Variants in EPB41L4B observed in about 807,000 individuals in gnomAD.
The protein encoded by EPB41L4B is band 4.1-like protein 4B.
EPB41L4B carries 30 observed loss-of-function variants against 112.5 expected under a neutral mutation model. The ratio of observed to expected loss-of-function variants is 0.27; its 90% CI spans 0.20 to 0.36. The LOEUF is 0.36. Among genes scored for constraint, EPB41L4B ranks in the 10% least tolerant of loss-of-function variants. The pLI, the probability that EPB41L4B is intolerant of heterozygous loss-of-function variation, is 1.00. For synonymous variants in EPB41L4B, 408 were observed against 439.7 expected, an observed-to-expected ratio of 0.93 and a Z score of 0.90; for missense variants, 1,024 against 1,133.3, an observed-to-expected ratio of 0.90 and a Z score of 1.38.
chr9:109,187,148 G>A (rs577520444), intron 22 of EPB41L4B, among the ~76,000 whole-genome samples: 6 of 152,264 alleles, frequency 3.9e-5, no homozygotes, highest in South Asian at 2.1e-4. Context: ...AAATATACAC[G>A]TCTTTTATCT....
chr9:109,186,969 C>T (rs375185532), intron 22 of EPB41L4B, among the ~76,000 whole-genome samples: 37 of 152,142 alleles, frequency 2.4e-4, no homozygotes, highest in South Asian at 6.2e-4. Flanking sequence ...CTTTGGGATA[C>T]GCAGGGTTCT....
At chr9:109,210,347 T>G (rs1357598221) in intron 17 of EPB41L4B, among the ~76,000 whole-genome samples, 1 of 152,198 alleles carries the variant, frequency 6.6e-6, no homozygotes, top group Non-Finnish European at 1.5e-5. Flanking sequence ...CACTGGTGCA[T>G]GAAGAGATAG....
intron 1 of EPB41L4B, among the ~76,000 whole-genome samples, chr9:109,309,736 T>A (rs1837342789): frequency 6.7e-6 from 1 of 149,618 alleles, no homozygotes; most frequent in Non-Finnish European, 1.5e-5. Context: ...CCCATCTCTA[T>A]TATTAAGAAA....
chr9:109,278,353 G>A (rs557340303), intron 2 of EPB41L4B, among the ~76,000 whole-genome samples: 1 of 152,208 alleles, frequency 6.6e-6, no homozygotes, highest in East Asian at 1.9e-4. Flanking sequence ...ATCTGCACAG[G>A]GACATCCAGT....
intron 22 of EPB41L4B, 69 bp from the exon 23 acceptor site, chr9:109,185,674 G>T: frequency 8.1e-7 from 1 of 1,232,656 alleles, no homozygotes; most frequent in South Asian, 1.4e-5. Context: ...AGAGGAGGTA[G>T]GGGAAGGGAA....
At chr9:109,292,715 T>C (rs1044215702) in intron 1 of EPB41L4B, among the ~76,000 whole-genome samples, 1 of 152,216 alleles carries the variant, frequency 6.6e-6, no homozygotes, top group Admixed American at 6.5e-5. Context: ...TGCAATTCTC[T>C]GATACTCTTA....
chr9:109,267,526 A>G lies in EPB41L4B; in HGVS notation c.480T>C (p.Phe160=). The change falls in exon 4 of 26, where the codon TTT becomes TTC. Residue 160 remains phenylalanine, a synonymous_variant. Coordinates refer to ENST00000374566, the MANE Select transcript of EPB41L4B (RefSeq NM_019114.5). ...GTTCTGAAGAATAGTATTTAACTCGAAAGTGTAAAGCATAAGCAGGTCCAA... is the reference window on the plus strand; with the variant it reads ...GTTCTGAAGAATAGTATTTAACTCGGAAGTGTAAAGCATAAGCAGGTCCAA... ...MKIGPAYALH[F]RVKYYSSEPN... is the part of the protein sequence containing the mutation. The G allele has an allele frequency of 1.9e-6, 3 of 1,613,370 alleles. No homozygotes were observed. Among genetic ancestry groups the G allele is most frequent in the Non-Finnish European group, 2.5e-6 (3 of 1,179,278 alleles).
In EPB41L4B at chr9:109,176,040, TCACACACACGCACACA is replaced by T. The variant is rs1442822241; in HGVS notation, c.2633+495_2633+510del. ...TTTTCCTCCCTATCCCTTGTCAATA[TCACACACACGCACACA>T]CACACACACACACACACACACACAC... On this transcript the variant is annotated intron_variant, in intron 25 of 25. Coordinates refer to ENST00000374566, the MANE Select transcript of EPB41L4B (RefSeq NM_019114.5). Among the ~76,000 whole-genome samples, 138 of 43,484 alleles carry T rather than the reference TCACACACACGCACACA, an allele frequency of 3.2e-3. 1 individual carries two copies. The highest frequency in any genetic ancestry group is 0.013 in the African/African-American group (124 of 9,380). 28.5% of individuals were successfully genotyped at this position (43,484 alleles called of 152,430 possible).
intron 15 of EPB41L4B, among the ~76,000 whole-genome samples, chr9:109,238,239 A>C (rs917300537): frequency 2.0e-5 from 3 of 152,176 alleles, no homozygotes; most frequent in African/African-American, 7.2e-5. Flanking sequence ...CGGGGTTTCC[A>C]ATGTCACGTG....
At chr9:109,289,166 C>T (rs560762187) in intron 1 of EPB41L4B, among the ~76,000 whole-genome samples, 1 of 152,212 alleles carries the variant, frequency 6.6e-6, no homozygotes, top group Admixed American at 6.5e-5. Flanking sequence ...GACTCTGCAC[C>T]CATCAACCCT....
chr9:109,242,478 G>A (rs553644178), intron 15 of EPB41L4B, among the ~76,000 whole-genome samples: 42 of 152,306 alleles, frequency 2.8e-4, no homozygotes, highest in Admixed American at 7.8e-4. Context: ...TTAAAATAGC[G>A]TTTCTAGAAA....
intron 22 of EPB41L4B, 115 bp from the exon 23 acceptor site, chr9:109,185,720 G>T: frequency 2.7e-6 from 2 of 742,774 alleles, no homozygotes; most frequent in South Asian, 2.0e-5. Context: ...GACAGATCTG[G>T]CAACTCCAGA....
chr9:109,249,564 G>A (rs1253769241), intron 13 of EPB41L4B, among the ~76,000 whole-genome samples: 3 of 150,456 alleles, frequency 2.0e-5, no homozygotes, highest in East Asian at 1.9e-4. Flanking sequence ...ACTAGATGCT[G>A]GGAGGAAAAT....
At chr9:109,189,015 C>T (rs1289309393) in intron 22 of EPB41L4B, among the ~76,000 whole-genome samples, 1 of 151,838 alleles carries the variant, frequency 6.6e-6, no homozygotes, top group African/African-American at 2.4e-5. Flanking sequence ...AATGTACCCT[C>T]CCCCAACTCC....
At chr9:109,319,430 G>A (rs1837757370) in intron 1 of EPB41L4B, among the ~76,000 whole-genome samples, 1 of 152,186 alleles carries the variant, frequency 6.6e-6, no homozygotes, top group Non-Finnish European at 1.5e-5. Context: ...GACTCCCAGC[G>A]CCCCAGCAAA....
chr9:109,279,725 T>G, intron 2 of EPB41L4B, 92 bp downstream of exon 2: 1 of 1,107,092 alleles, frequency 9.0e-7, no homozygotes, highest in African/African-American at 1.5e-5. Context: ...AGTTTTAGTC[T>G]TGTTTTTCTC....
intron 4 of EPB41L4B, among the ~76,000 whole-genome samples, chr9:109,265,511 C>A (rs1835369949): frequency 1.4e-5 from 2 of 138,860 alleles, no homozygotes; most frequent in African/African-American, 5.3e-5. Flanking sequence ...TGCAGTGTAA[C>A]TGCAGACTCT....
intron 2 of EPB41L4B, among the ~76,000 whole-genome samples, chr9:109,270,494 C>G (rs1177359382): frequency 1.3e-5 from 2 of 152,224 alleles, no homozygotes; most frequent in Non-Finnish European, 2.9e-5. Context: ...TGCCCTCAAA[C>G]AAGCTGAAAA....
intron 1 of EPB41L4B, among the ~76,000 whole-genome samples, chr9:109,309,094 T>C (rs971921820): frequency 6.6e-6 from 1 of 151,832 alleles, no homozygotes; most frequent in African/African-American, 2.4e-5. Flanking sequence ...AAAAATTACA[T>C]GTTTAGAATT....
Sources: gnomAD v4.1 joint callset for allele counts (sites outside exome capture counted in the v4.1 genomes callset) on GRCh38, gnomAD v4.1.1 for gene constraint, MANE v1.5 for transcripts, NCBI Gene and HGNC (gene_info 2026-07-23, HGNC 2026-07-21) for gene names.